Variants in THNSL2 observed in about 807,000 individuals in gnomAD.
The protein encoded by THNSL2 is threonine synthase like 2.
A neutral mutation model predicts 40.0 loss-of-function variants in THNSL2; 34 were observed. That is an observed-to-expected ratio of 0.85 (90% CI 0.65 to 1.13). The LOEUF (loss-of-function observed/expected upper bound fraction) is 1.13, where lower values mean the gene tolerates loss of function less well. Ranked by LOEUF, THNSL2 falls within the 50% of genes most tolerant of loss-of-function variation. The probability of loss-of-function intolerance (pLI) is 0.00; values close to 1 mark genes in which losing one functional copy is unlikely to be tolerated. For synonymous variants in THNSL2, 241 were observed against 247.5 expected (o/e 0.97, Z 0.25); for missense variants, 537 against 608.8 (o/e 0.88, Z 1.24).
Position 88,178,770 on chromosome 2 carries a change from TC to T in THNSL2, c.572-7del, listed in dbSNP as rs750832235. The T allele has an allele frequency of 1.9e-6, 3 of 1,613,468 alleles. No homozygotes were observed. Among genetic ancestry groups the T allele is most frequent in the Admixed American group, 3.3e-5 (2 of 59,986 alleles). ...TGCTCCTGACAGCTGCCCTCTTCTC[TC>T]CCCCCTGGCAGTGGAGGGAAACAGC... On this transcript the variant is annotated splice_polypyrimidine_tract_variant and intron_variant, in intron 4 of 8. Coordinates refer to ENST00000674334, the MANE Select transcript of THNSL2 (RefSeq NM_018271.5).
intron 1 of THNSL2, 30 bp from the exon 2 acceptor site, chr2:88,173,109 C>T (rs753185685): frequency 7.6e-6 from 11 of 1,451,626 alleles, no homozygotes; most frequent in Non-Finnish European, 8.3e-6. Flanking sequence ...GCTTGGAGAC[C>T]AGGTGCTTCT....
chr2:88,181,947 A>AAAAAG (rs1328899283), intron 5 of THNSL2, among the ~76,000 whole-genome samples: 4 of 152,108 alleles, frequency 2.6e-5, no homozygotes, highest in African/African-American at 4.8e-5. Context: ...ATGTTGTATC[A>AAAAAG]TATATCAGTA....
chr2:88,173,887 A>G (rs964021809), intron 2 of THNSL2, among the ~76,000 whole-genome samples: 2 of 152,240 alleles, frequency 1.3e-5, no homozygotes, highest in Non-Finnish European at 2.9e-5. Flanking sequence ...AGGAATGAGA[A>G]TTCTGCATTT....
chr2:88,175,753 T>C (rs1026726269), intron 4 of THNSL2: 33 of 194,474 alleles, frequency 1.7e-4, no homozygotes, highest in African/African-American at 7.6e-4. Flanking sequence ...TTTGGGTTTT[T>C]TTCCAAGACT....
chr2:88,176,159 C>T (rs1051023673), intron 4 of THNSL2: 7 of 152,204 alleles, frequency 4.6e-5, no homozygotes, highest in African/African-American at 1.7e-4. Flanking sequence ...ATGGGAACAA[C>T]TAAGCCATGC....
chr2:88,178,729 T>A (rs1346520468), intron 4 of THNSL2, 54 bp from the exon 5 acceptor site: 2 of 1,600,962 alleles, frequency 1.2e-6, no homozygotes, highest in East Asian at 2.2e-5. Flanking sequence ...AGTGCTGACC[T>A]CCTGGGGGTT....
intron 4 of THNSL2, among the ~76,000 whole-genome samples, chr2:88,177,426 A>G (rs937031428): frequency 2.6e-5 from 4 of 152,238 alleles, no homozygotes; most frequent in African/African-American, 9.6e-5. Context: ...TGTACATTGT[A>G]TACTTGGTTC....
chr2:88,172,950 C>G, intron 1 of THNSL2, 189 bp from the exon 2 acceptor site: 1 of 396,566 alleles, frequency 2.5e-6, no homozygotes, highest in Non-Finnish European at 4.5e-6. Context: ...TTGGTGGAAT[C>G]ATGATTTACA....
Position 88,183,118 on chromosome 2 carries a change from C to G in THNSL2, c.1077+45C>G, listed in dbSNP as rs757272697. The G allele has an allele frequency of 3.1e-6, 5 of 1,589,752 alleles. No individual in the cohort carries two copies. The East Asian group carries it at 1.1e-4, about 36-fold the overall frequency. On this transcript the variant is annotated intron_variant, in intron 7 of 8. Transcript: ENST00000674334. Reference sequence around the variant, plus strand: ...CCACAGAGAAAGGAAAGGGTACAGCCACATAGCAGACTTGGGGTTTGGAAG... The same window carrying G: ...CCACAGAGAAAGGAAAGGGTACAGCGACATAGCAGACTTGGGGTTTGGAAG...
intron 7 of THNSL2, 47 bp from the exon 8 acceptor site, chr2:88,185,281 C>T (rs750868888): frequency 6.4e-7 from 1 of 1,573,714 alleles, no homozygotes; most frequent in African/African-American, 1.4e-5. Flanking sequence ...TCATCTTTCC[C>T]TACATCCCCC....
chr2:88,183,121 A>G (rs1184582447), intron 7 of THNSL2, 48 bp downstream of exon 7: 1 of 1,587,408 alleles, frequency 6.3e-7, no homozygotes, highest in East Asian at 2.3e-5. Context: ...GTACAGCCAC[A>G]TAGCAGACTT....
chr2:88,179,805 C>T (rs1211028226), intron 5 of THNSL2, among the ~76,000 whole-genome samples: 1 of 152,200 alleles, frequency 6.6e-6, no homozygotes, highest in Admixed American at 6.5e-5. Flanking sequence ...AACAAAGGCA[C>T]AGAGAAAGGA....
rs368558816 is a variant in THNSL2 at position 88,182,755 on chromosome 2, C to T, written c.859C>T (p.Arg287Cys). The stretch of plus-strand genomic sequence containing the variant: ...CATCCGTCTGGTCGTGGCAGTGAAC[C>T]GCAATGACATCATCCACAGGACTGT... ...LPIRLVVAVN[R>C]NDIIHRTVQQ... The change falls in exon 6 of 9, where the codon CGC becomes TGC. Residue 287 changes from arginine (R) to cysteine (C), a missense_variant. By Grantham distance (180) the Arg-to-Cys change is radical. Transcript: ENST00000674334. 4.5e-5 allele frequency: 72 copies of T among 1,613,964 alleles called. No individual in the cohort carries two copies. In the East Asian group the frequency reaches 1.0e-3, roughly 23 times the overall value.
intron 1 of THNSL2, 27 bp from the exon 2 acceptor site, chr2:88,173,112 G>T: frequency 6.9e-7 from 1 of 1,458,618 alleles, no homozygotes. Flanking sequence ...TGGAGACCAG[G>T]TGCTTCTGGG....
intron 4 of THNSL2, chr2:88,177,246 C>T (rs1677031126): frequency 6.6e-6 from 1 of 152,170 alleles, no homozygotes; most frequent in African/African-American, 2.4e-5. Context: ...TATTCAGATC[C>T]TTTCTTTCCT....
At position 88,186,176 on chromosome 2, in the gene THNSL2, C is replaced by G; in HGVS notation, c.*53C>G. 1 of 1,515,338 alleles carries G rather than the reference C, an allele frequency of 6.6e-7. No homozygotes were observed. The highest frequency in any genetic ancestry group is 9.0e-7 in the Non-Finnish European group (1 of 1,114,654). 93.9% of individuals were successfully genotyped at this position (1,515,338 alleles called of 1,614,324 possible). ...TTCAGATCCCAGGAAGATGCACCTT[C>G]TGAGCTGCCTTGTGCACCCTCCCCA... On this transcript the variant is annotated 3_prime_UTR_variant, in exon 9 of 9. Transcript: ENST00000674334.
In THNSL2 at chr2:88,179,061, G is replaced by A. The variant is rs924696438; in HGVS notation, c.802+48G>A. 1.9e-6 allele frequency: 3 copies of A among 1,585,398 alleles called. No individual in the cohort carries two copies. In the Admixed American group the frequency reaches 5.0e-5, roughly 26 times the overall value. The stretch of plus-strand genomic sequence containing the variant: ...ATGGGCTTTCCAGAAAAATGCCTGT[G>A]GCCCCAGTCCTTCTAGCTGCCCTTT... On this transcript the variant is annotated intron_variant, in intron 5 of 8. Coordinates refer to ENST00000674334, the MANE Select transcript of THNSL2 (RefSeq NM_018271.5).
rs750204438 is a variant in THNSL2, at chr2:88,182,856, G to A, written c.951+9G>A. ...CAGCTATGGACATTCAGGTAGGCCT[G>A]GGGGAGGTGTGCAGATCTGGCCCAG... On this transcript the variant is annotated intron_variant, in intron 6 of 8. Coordinates refer to ENST00000674334, the MANE Select transcript of THNSL2 (RefSeq NM_018271.5). 6.2e-6 allele frequency: 10 copies of A among 1,613,878 alleles called. No individual in the cohort carries two copies. The highest frequency in any genetic ancestry group is 4.0e-5 in the African/African-American group (3 of 74,912).
Position 88,176,281 on chromosome 2 carries a change from G to A in THNSL2, c.571+880G>A, listed in dbSNP as rs140936819. Reference sequence around the variant, plus strand: ...AGAATCACAGCATTTTGTGCTTGGAGAAAGGCAAAAGCCATCTTTTTTAAT... The same window carrying A: ...AGAATCACAGCATTTTGTGCTTGGAAAAAGGCAAAAGCCATCTTTTTTAAT... On this transcript the variant is annotated intron_variant, in intron 4 of 8. Transcript: ENST00000674334. The A allele has an allele frequency of 9.2e-5, 14 of 152,348 alleles. No individual in the cohort carries two copies. In the East Asian group the frequency reaches 2.7e-3, roughly 29 times the overall value. 9.4% of individuals were successfully genotyped at this position (152,348 alleles called of 1,614,324 possible). A position where few individuals can be genotyped will look rare whatever the true frequency, so the allele number is the denominator to read the frequency against.
Sources: allele counts gnomAD v4.1 joint callset (sites outside exome capture counted in the v4.1 genomes callset), GRCh38; gene constraint gnomAD v4.1.1; transcripts MANE v1.5; gene names NCBI Gene and HGNC (gene_info 2026-07-23, HGNC 2026-07-21).